The following PSD3 variants were observed in gnomAD, a reference collection of about 807,000 sequenced individuals.
PSD3 encodes PH and SEC7 domain-containing protein 3.
Under a neutral mutation model 105.5 loss-of-function variants are expected in PSD3, and 49 were observed. The observed-to-expected ratio is 0.46, with a 90% CI of 0.37 to 0.59. PSD3 has a LOEUF of 0.59. Among genes scored for constraint, PSD3 ranks in the 20% least tolerant of loss-of-function variants. The pLI is 0.00. For synonymous variants in PSD3, 557 were observed against 457.8 expected (o/e 1.22, Z -2.77); for missense variants, 1,561 against 1,263.8 (o/e 1.24, Z -3.57).
chr8:18,582,987 C>T (rs747420760), intron 12 of PSD3, among the ~76,000 whole-genome samples: 2 of 152,014 alleles, frequency 1.3e-5, no homozygotes, highest in African/African-American at 2.4e-5. Context: ...GCCACCACGC[C>T]TGGCTAATTT....
At position 18,531,067 on chromosome 8, in the gene PSD3, C is replaced by T. The variant is rs1799612860; in HGVS notation, c.*4676G>A. 1 of 152,334 alleles carries T rather than the reference C, an allele frequency of 6.6e-6. No homozygotes were observed. Among genetic ancestry groups the T allele is most frequent in the Non-Finnish European group, 1.5e-5 (1 of 68,020 alleles). 9.4% of individuals were successfully genotyped at this position (152,334 alleles called of 1,614,324 possible). On this transcript the variant is annotated 3_prime_UTR_variant, in exon 16 of 16. Transcript: ENST00000327040. ...ACATACATACAACTATAAATACCCA[C>T]AAATACAACAATGGCAGGTGACAGC...
At chr8:18,581,997 G>A (rs898878490) in intron 12 of PSD3, among the ~76,000 whole-genome samples, 4 of 152,208 alleles carry the variant, frequency 2.6e-5, no homozygotes, top group Non-Finnish European at 4.4e-5. Flanking sequence ...TCTGGATAAT[G>A]TAAGAAACTG....
intron 2 of PSD3, among the ~76,000 whole-genome samples, chr8:18,896,269 C>A (rs569404745): frequency 2.5e-4 from 38 of 152,246 alleles, no homozygotes; most frequent in Admixed American, 2.5e-3. Context: ...AATAGTATTG[C>A]AATAAACATG....
intron 1 of PSD3, among the ~76,000 whole-genome samples, chr8:18,966,603 A>G (rs990515419): frequency 6.6e-6 from 1 of 150,396 alleles, no homozygotes; most frequent in South Asian, 2.1e-4. Flanking sequence ...ACACAAATAG[A>G]GTCATTTTTA....
intron 1 of PSD3, among the ~76,000 whole-genome samples, chr8:19,029,011 T>C (rs532301612): frequency 2.0e-4 from 31 of 152,346 alleles, no homozygotes; most frequent in African/African-American, 7.0e-4. Context: ...CTCTCTTCCA[T>C]TTCATTGATC....
At chr8:18,658,961 T>C (rs1419192995) in intron 9 of PSD3, among the ~76,000 whole-genome samples, 4 of 152,130 alleles carry the variant, frequency 2.6e-5, no homozygotes, top group Non-Finnish European at 5.9e-5. Flanking sequence ...CTTGTCTCTC[T>C]CAATAGTAAC....
chr8:18,960,326 G>A (rs1219325055), intron 1 of PSD3, among the ~76,000 whole-genome samples: 1 of 152,180 alleles, frequency 6.6e-6, no homozygotes, highest in East Asian at 1.9e-4. Flanking sequence ...AGTGTCTTCT[G>A]AAGATGAGTA....
intron 2 of PSD3, among the ~76,000 whole-genome samples, chr8:18,925,328 A>C (rs1821292634): frequency 1.3e-5 from 2 of 152,020 alleles, no homozygotes; most frequent in South Asian, 4.1e-4. Context: ...CCAGGAGTTC[A>C]AGGCTGCAGT....
chr8:18,554,718 T>A (rs1361500517), intron 15 of PSD3, among the ~76,000 whole-genome samples: 1 of 152,098 alleles, frequency 6.6e-6, no homozygotes. Flanking sequence ...TATTACGGAA[T>A]CCGCTACAGG....
intron 9 of PSD3, among the ~76,000 whole-genome samples, chr8:18,757,940 T>C (rs1295708447): frequency 6.6e-6 from 1 of 152,216 alleles, no homozygotes; most frequent in East Asian, 1.9e-4. Flanking sequence ...CCTATTTTTA[T>C]ATGATGCCTA....
At chr8:18,935,307 C>T (rs894410690) in intron 2 of PSD3, among the ~76,000 whole-genome samples, 3 of 151,960 alleles carry the variant, frequency 2.0e-5, no homozygotes, top group Non-Finnish European at 2.9e-5. Context: ...GCTACAATAA[C>T]CTCCAAAGTA....
intron 10 of PSD3, among the ~76,000 whole-genome samples, chr8:18,652,366 C>T (rs190833474): frequency 6.6e-6 from 1 of 151,770 alleles, no homozygotes; most frequent in Admixed American, 6.6e-5. Context: ...CCATCTAACG[C>T]TAAGGGATAA....
chr8:18,775,435 C>T (rs335226), intron 8 of PSD3, among the ~76,000 whole-genome samples: 14,811 of 152,208 alleles, frequency 0.097, 1,313 homozygotes, highest in African/African-American at 0.24. Context: ...AGCATTCACA[C>T]TCTTTTTCAT....
chr8:18,895,785 A>G (rs750601533), intron 2 of PSD3, among the ~76,000 whole-genome samples: 12 of 152,216 alleles, frequency 7.9e-5, no homozygotes, highest in Non-Finnish European at 1.6e-4. Context: ...TTAAACATTT[A>G]TCATTTCTTT....
chr8:18,658,065 C>G (rs927641011), intron 9 of PSD3, among the ~76,000 whole-genome samples: 2 of 152,168 alleles, frequency 1.3e-5, no homozygotes, highest in African/African-American at 2.4e-5. Context: ...TGAAGATAAT[C>G]TATTATAAAT....
At chr8:18,578,629 T>C (rs1452637762) in intron 12 of PSD3, among the ~76,000 whole-genome samples, 3 of 152,084 alleles carry the variant, frequency 2.0e-5, no homozygotes, top group East Asian at 1.9e-4. Context: ...ACTTAGACTG[T>C]CTCATTTGGA....
chr8:19,015,191 T>C (rs1827138336), upstream of PSD3, among the ~76,000 whole-genome samples: 1 of 152,120 alleles, frequency 6.6e-6, no homozygotes, highest in African/African-American at 2.4e-5. Context: ...GATCTGAAGA[T>C]TTTAAAAATG....
At chr8:18,553,458 T>C (rs1800895308) in intron 15 of PSD3, among the ~76,000 whole-genome samples, 1 of 152,244 alleles carries the variant, frequency 6.6e-6, no homozygotes, top group Non-Finnish European at 1.5e-5. Context: ...AATTACTTCC[T>C]CTGATGTTAT....
chr8:18,894,701 T>C (rs1459345376), intron 2 of PSD3, among the ~76,000 whole-genome samples: 1 of 152,110 alleles, frequency 6.6e-6, no homozygotes, highest in Non-Finnish European at 1.5e-5. Flanking sequence ...CAAGCAGAAT[T>C]AACCATCTCA....
Sources: allele counts gnomAD v4.1 joint callset (sites outside exome capture counted in the v4.1 genomes callset), GRCh38; gene constraint gnomAD v4.1.1; transcripts MANE v1.5; gene names NCBI Gene and HGNC (gene_info 2026-07-23, HGNC 2026-07-21).